The following THADA variants were observed in gnomAD, a reference collection of about 807,000 sequenced individuals.
THADA encodes tRNA (32-2'-O)-methyltransferase regulator THADA.
A neutral mutation model predicts 219.8 loss-of-function variants in THADA; 213 were observed. The ratio of observed to expected loss-of-function variants is 0.97; its 90% CI spans 0.87 to 1.09. The LOEUF (loss-of-function observed/expected upper bound fraction) is 1.09. Ranked by LOEUF, THADA falls within the 50% of genes least tolerant of loss-of-function variation. The probability of loss-of-function intolerance (pLI) is 0.00; values close to 1 mark genes in which losing one functional copy is unlikely to be tolerated. For synonymous variants in THADA, 1,018 were observed against 828.9 expected, an observed-to-expected ratio of 1.23 and a Z score of -3.92; for missense variants, 2,956 against 2,311.3, an observed-to-expected ratio of 1.28 and a Z score of -5.72.
intron 30 of THADA, among the ~76,000 whole-genome samples, chr2:43,331,918 T>TACACACACACACACACAC (rs141276481): frequency 0.067 from 9,559 of 142,604 alleles, 409 homozygotes; most frequent in South Asian, 0.11. Flanking sequence ...ATATATCTAA[T>TACACACACACACACACAC]ACACACACAC....
chr2:43,344,269 T>C, intron 29 of THADA, 32 bp from the exon 30 acceptor site: 1 of 1,479,024 alleles, frequency 6.8e-7, no homozygotes, highest in South Asian at 1.2e-5. Flanking sequence ...AATCCTGCTG[T>C]GAAAATATAT....
intron 31 of THADA, among the ~76,000 whole-genome samples, chr2:43,313,771 T>A (rs1169191181): frequency 6.6e-6 from 1 of 152,228 alleles, no homozygotes; most frequent in African/African-American, 2.4e-5. Flanking sequence ...GACAGAAGCC[T>A]GGGAAGTTGA....
At chr2:43,399,000 T>C (rs553823583) in intron 28 of THADA, among the ~76,000 whole-genome samples, 4 of 152,304 alleles carry the variant, frequency 2.6e-5, no homozygotes, top group South Asian at 2.1e-4. Context: ...AGAAAGGTCA[T>C]TGTAAAGGCA....
intron 35 of THADA, among the ~76,000 whole-genome samples, chr2:43,285,188 G>C (rs1460496001): frequency 1.3e-5 from 2 of 152,154 alleles, no homozygotes; most frequent in African/African-American, 4.8e-5. Context: ...ATTGTATTTT[G>C]CAATGTGAGA....
intron 37 of THADA, 62 bp downstream of exon 37, chr2:43,232,651 G>C: frequency 6.5e-7 from 1 of 1,543,954 alleles, no homozygotes; most frequent in African/African-American, 1.4e-5. Context: ...TGTAGGTGCT[G>C]CATCTAGCGG....
At chr2:43,586,189 C>T (rs534207470) in intron 7 of THADA, among the ~76,000 whole-genome samples, 1 of 152,120 alleles carries the variant, frequency 6.6e-6, no homozygotes, top group East Asian at 1.9e-4. Context: ...CACTTGAGCC[C>T]AGGAGGTTGA....
At chr2:43,447,923 A>ATG (rs1681789778) in intron 26 of THADA, among the ~76,000 whole-genome samples, 1 of 152,204 alleles carries the variant, frequency 6.6e-6, no homozygotes, top group Non-Finnish European at 1.5e-5. Flanking sequence ...ATATATATAT[A>ATG]TTCCTAAATA....
intron 37 of THADA, 146 bp from the exon 38 acceptor site, chr2:43,231,489 G>A (rs1667413000): frequency 2.8e-6 from 2 of 702,260 alleles, no homozygotes; most frequent in Non-Finnish European, 4.4e-6. Context: ...CAACATCCAT[G>A]TACACACACC....
intron 29 of THADA, among the ~76,000 whole-genome samples, chr2:43,353,075 C>T (rs1668466722): frequency 6.6e-6 from 1 of 152,180 alleles, no homozygotes; most frequent in Admixed American, 6.5e-5. Context: ...GGCAAGATCT[C>T]CTCCTTTTTA....
chr2:43,293,263 C>A, intron 31 of THADA, 50 bp from the exon 32 acceptor site: 1 of 1,543,472 alleles, frequency 6.5e-7, no homozygotes, highest in Non-Finnish European at 8.7e-7. Context: ...TTTAAATTTC[C>A]ACAAAAGGAC....
intron 26 of THADA, among the ~76,000 whole-genome samples, chr2:43,479,866 C>T (rs756662964): frequency 3.3e-5 from 5 of 152,200 alleles, no homozygotes; most frequent in Non-Finnish European, 5.9e-5. Flanking sequence ...TGTCTTTTAC[C>T]GTCCAGATAA....
intron 29 of THADA, among the ~76,000 whole-genome samples, chr2:43,371,576 G>GA (rs939265802): frequency 1.3e-5 from 2 of 151,484 alleles, no homozygotes; most frequent in African/African-American, 2.4e-5. Flanking sequence ...TAAAGACAAA[G>GA]AAAAAAAACA....
chr2:43,476,712 C>A (rs1391171632), intron 26 of THADA, among the ~76,000 whole-genome samples: 1 of 152,120 alleles, frequency 6.6e-6, no homozygotes, highest in East Asian at 1.9e-4. Flanking sequence ...TCCCTGTCGG[C>A]ACTCTTCACC....
intron 8 of THADA, among the ~76,000 whole-genome samples, chr2:43,579,250 A>G (rs1574347573): frequency 6.6e-6 from 1 of 152,138 alleles, no homozygotes; most frequent in Non-Finnish European, 1.5e-5. Flanking sequence ...TAACAGCAAC[A>G]CCACCTGTCC....
At chr2:43,432,924 C>G (rs1679558366) in intron 26 of THADA, among the ~76,000 whole-genome samples, 1 of 152,078 alleles carries the variant, frequency 6.6e-6, no homozygotes, top group Non-Finnish European at 1.5e-5. Flanking sequence ...TGTGGCTTGC[C>G]AACTTATTTA....
intron 28 of THADA, among the ~76,000 whole-genome samples, chr2:43,402,589 A>G (rs1463688141): frequency 2.6e-5 from 4 of 152,156 alleles, no homozygotes; most frequent in Non-Finnish European, 5.9e-5. Flanking sequence ...GTGGCTATAC[A>G]TCACCAAAAC....
chr2:43,587,038 C>G (rs1701101095), intron 4 of THADA, 36 bp from the exon 5 acceptor site: 1 of 1,584,512 alleles, frequency 6.3e-7, no homozygotes, highest in East Asian at 2.3e-5. Context: ...ATCTGACAAT[C>G]TAATAGCCCC....
intron 28 of THADA, among the ~76,000 whole-genome samples, chr2:43,398,931 C>G (rs769385016): frequency 6.6e-6 from 1 of 152,010 alleles, no homozygotes; most frequent in Non-Finnish European, 1.5e-5. Flanking sequence ...ACCCAAAGAG[C>G]GGGAATAAAA....
chr2:43,557,085 T>C (rs1299310755), intron 16 of THADA, among the ~76,000 whole-genome samples: 1 of 151,896 alleles, frequency 6.6e-6, no homozygotes, highest in African/African-American at 2.4e-5. Context: ...CCTGTCTCTA[T>C]TAAAAGAAAA....
Sources: allele counts gnomAD v4.1 joint callset (sites outside exome capture counted in the v4.1 genomes callset), GRCh38; gene constraint gnomAD v4.1.1; transcripts MANE v1.5; gene names NCBI Gene and HGNC (gene_info 2026-07-23, HGNC 2026-07-21).